Variants in SLCO2A1 observed in about 807,000 individuals in gnomAD.
SLCO2A1 encodes matrin F/G 1.
A neutral mutation model predicts 71.7 loss-of-function variants in SLCO2A1; 60 were observed. That is an observed-to-expected ratio of 0.84 (90% confidence interval 0.68 to 1.04). The LOEUF (loss-of-function observed/expected upper bound fraction) is 1.04, where lower values mean the gene tolerates loss of function less well. Ranked by LOEUF, SLCO2A1 falls within the 50% of genes least tolerant of loss-of-function variation. The pLI is 0.00. For synonymous variants in SLCO2A1, 308 were observed against 326.7 expected, an observed-to-expected ratio of 0.94 and a Z score of 0.62; for missense variants, 745 against 813.4, an observed-to-expected ratio of 0.92 and a Z score of 1.02.
chr3:133,974,470 T>C (rs1205948083), intron 2 of SLCO2A1, among the ~76,000 whole-genome samples: 1 of 152,234 alleles, frequency 6.6e-6, no homozygotes, highest in African/African-American at 2.4e-5. Context: ...TAGAGTTGTC[T>C]GCCACCTCTT....
At chr3:133,999,547 A>C (rs1178552139) in intron 1 of SLCO2A1, among the ~76,000 whole-genome samples, 1 of 152,216 alleles carries the variant, frequency 6.6e-6, no homozygotes, top group Non-Finnish European at 1.5e-5. Context: ...TGCACAAAAC[A>C]GTGACAGCTA....
chr3:134,005,481 A>ATTTTTTT (rs35386403), intron 1 of SLCO2A1, among the ~76,000 whole-genome samples: 1 of 133,918 alleles, frequency 7.5e-6, no homozygotes, highest in Non-Finnish European at 1.6e-5. Context: ...ATGTGTTATA[A>ATTTTTTT]TTTTTTTTTT....
intron 1 of SLCO2A1, among the ~76,000 whole-genome samples, chr3:133,983,996 A>C (rs1934653665): frequency 6.6e-6 from 1 of 152,162 alleles, no homozygotes; most frequent in African/African-American, 2.4e-5. Flanking sequence ...GAAACGGGGG[A>C]TCCAGAAGGA....
chr3:133,979,084 C>A (rs1559943647), intron 2 of SLCO2A1, among the ~76,000 whole-genome samples: 1 of 152,224 alleles, frequency 6.6e-6, no homozygotes, highest in Non-Finnish European at 1.5e-5. Context: ...AGGGGCCCCA[C>A]AGGCTGGCAG....
chr3:133,948,795 C>T (rs1278885560), intron 7 of SLCO2A1, 95 bp from the exon 8 acceptor site: 5 of 1,590,406 alleles, frequency 3.1e-6, no homozygotes, highest in African/African-American at 1.3e-5. Context: ...CTCCTACTGT[C>T]CCTTACCGCA....
At chr3:133,978,952 G>T (rs1392178232) in intron 2 of SLCO2A1, among the ~76,000 whole-genome samples, 2 of 152,166 alleles carry the variant, frequency 1.3e-5, no homozygotes. Context: ...ATCTCTTCAG[G>T]GAGTCAAGGC....
At chr3:134,024,634 C>A (rs1559962424) in intron 1 of SLCO2A1, among the ~76,000 whole-genome samples, 1 of 152,202 alleles carries the variant, frequency 6.6e-6, no homozygotes, top group Non-Finnish European at 1.5e-5. Flanking sequence ...GTTTCCAAAG[C>A]CTGGCCCCCA....
At chr3:134,007,086 G>A (rs540139963) in intron 1 of SLCO2A1, among the ~76,000 whole-genome samples, 1 of 152,298 alleles carries the variant, frequency 6.6e-6, no homozygotes, top group East Asian at 1.9e-4. Context: ...GCAATGTTGA[G>A]CATCTTTTCA....
chr3:133,936,169 C>T (rs1933265960), intron 12 of SLCO2A1, among the ~76,000 whole-genome samples: 4 of 152,168 alleles, frequency 2.6e-5, no homozygotes, highest in African/African-American at 9.7e-5. Context: ...CTCAGACATC[C>T]AACATAGTTC....
rs1256600330 is a variant in SLCO2A1, at chr3:133,979,518, G to C, written c.197C>G (p.Ser66Cys). The C allele has an allele frequency of 6.2e-7, 1 of 1,614,172 alleles. No individual in the cohort carries two copies. ...LTTIEKRFGLSSSSSGLISSL... is the reference protein window; with the variant it reads ...LTTIEKRFGLCSSSSGLISSL... ...GGAAATGAGACCCGATGAAGAACTG[G>C]AGAGCCCAAAGCGCTTCTCAATGGT... Residue 66 changes from serine (S) to cysteine (C), a missense_variant, in exon 2 of 14, where the codon TCC becomes TGC. By Grantham distance (112) the Ser-to-Cys change is moderately radical. Transcript: ENST00000310926.
chr3:133,978,833 C>T (rs1353794608), intron 2 of SLCO2A1, among the ~76,000 whole-genome samples: 1 of 152,168 alleles, frequency 6.6e-6, no homozygotes, highest in African/African-American at 2.4e-5. Context: ...CAGGCCCTGC[C>T]CTCTGACCTC....
rs115250649 is a variant in SLCO2A1, at chr3:133,981,264, G to A, written c.97-1646C>T. On this transcript the variant is annotated intron_variant, in intron 1 of 13. Coordinates refer to ENST00000310926, the MANE Select transcript of SLCO2A1 (RefSeq NM_005630.3). ...TAGAGACAGAGTTTAGAGTTTAGGG[G>A]GCATTAGTCTTTAGGGAATGGTCAG... 3.3e-3 allele frequency among the ~76,000 whole-genome samples: 504 copies of A among 152,214 alleles called. 7 individuals are homozygous for A. The highest frequency in any genetic ancestry group is 0.012 in the African/African-American group (483 of 41,518).
At chr3:134,029,473 AAC>A (rs146731617) in intron 1 of SLCO2A1, among the ~76,000 whole-genome samples, 17 of 149,884 alleles carry the variant, frequency 1.1e-4, no homozygotes, top group South Asian at 2.1e-4. Flanking sequence ...AAGGCGTGTG[AAC>A]ACACACACAC....
chr3:134,020,398 G>C (rs555963518), intron 1 of SLCO2A1, among the ~76,000 whole-genome samples: 1 of 152,158 alleles, frequency 6.6e-6, no homozygotes, highest in Non-Finnish European at 1.5e-5. Flanking sequence ...CTCCTTAGGC[G>C]GCTTAAGCCT....
chr3:134,020,353 C>G (rs926250161), intron 1 of SLCO2A1, among the ~76,000 whole-genome samples: 5 of 152,156 alleles, frequency 3.3e-5, no homozygotes, highest in African/African-American at 1.2e-4. Context: ...GTTCCCTGAC[C>G]GGGAAGCGAG....
chr3:133,976,498 A>G (rs1247210763), intron 2 of SLCO2A1, among the ~76,000 whole-genome samples: 1 of 152,116 alleles, frequency 6.6e-6, no homozygotes, highest in Non-Finnish European at 1.5e-5. Flanking sequence ...CTGAACCTCC[A>G]CAGGTGTTAC....
At chr3:133,993,091 C>T (rs568729021) in intron 1 of SLCO2A1, among the ~76,000 whole-genome samples, 1 of 152,224 alleles carries the variant, frequency 6.6e-6, no homozygotes, top group Non-Finnish European at 1.5e-5. Flanking sequence ...CCGTGGGGCC[C>T]ACAAGGAGTT....
At chr3:133,935,222 C>T (rs1041139217) in intron 13 of SLCO2A1, among the ~76,000 whole-genome samples, 2 of 152,210 alleles carry the variant, frequency 1.3e-5, no homozygotes, top group Non-Finnish European at 2.9e-5. Flanking sequence ...CCATTTCCAG[C>T]CCCTGCCCAG....
In SLCO2A1 at chr3:133,948,523, C is replaced by T. The variant is rs1444311429; in HGVS notation, c.1105+13G>A. 1 of 1,610,936 alleles carries T rather than the reference C, an allele frequency of 6.2e-7. No individual in the cohort carries two copies. The highest frequency in any genetic ancestry group is 8.5e-7 in the Non-Finnish European group (1 of 1,178,464). On this transcript the variant is annotated intron_variant, in intron 8 of 13. Transcript: ENST00000310926. ...GCAAGCCCTGCGGATCCTGCAGCAC[C>T]CTCTGGGCTCACCAATGAGGAAGTT...
Sources: gnomAD v4.1 joint callset for allele counts (sites outside exome capture counted in the v4.1 genomes callset) on GRCh38, gnomAD v4.1.1 for gene constraint, MANE v1.5 for transcripts, NCBI Gene and HGNC (gene_info 2026-07-23, HGNC 2026-07-21) for gene names.